The following TLE3 variants were observed in gnomAD, a reference collection of about 807,000 sequenced individuals.
TLE3 encodes the protein transducin-like enhancer protein 3.
Under a neutral mutation model 93.0 loss-of-function variants are expected in TLE3, and 14 were observed. The ratio of observed to expected loss-of-function variants is 0.15; its 90% confidence interval spans 0.10 to 0.24. The LOEUF (loss-of-function observed/expected upper bound fraction) is 0.24. TLE3 is among the 10% of genes least tolerant of loss of function. The pLI, the probability that TLE3 is intolerant of heterozygous loss-of-function variation, is 1.00. For synonymous variants in TLE3, 451 were observed against 425.0 expected, an observed-to-expected ratio of 1.06 and a Z score of -0.75; for missense variants, 693 against 1,046.6, an observed-to-expected ratio of 0.66 and a Z score of 4.66.
chr15:70,052,869 A>G, intron 17 of TLE3: 1 of 306,272 alleles, frequency 3.3e-6, no homozygotes, highest in Non-Finnish European at 6.0e-6. Context: ...GCTTTCTGTG[A>G]GTCGGGTTTA....
At chr15:70,090,853 G>A (rs1567055371) in intron 4 of TLE3, among the ~76,000 whole-genome samples, 1 of 152,246 alleles carries the variant, frequency 6.6e-6, no homozygotes, top group African/African-American at 2.4e-5. Context: ...TCAGTGATAT[G>A]ATTATACAAC....
rs1446077409 is a variant in TLE3 at position 70,059,452 on chromosome 15, A to G, written c.723T>C (p.Asp241=). 6.2e-7 allele frequency: 1 copy of G among 1,609,450 alleles called. No individual in the cohort carries two copies. Among genetic ancestry groups the G allele is most frequent in the East Asian group, 2.2e-5 (1 of 44,762 alleles). Reference sequence around the variant, plus strand: ...CCACCAGATCATCACTCTTGTCTCCATCACTGTCCTGCAACCAAGAGAGAA... The same window carrying G: ...CCACCAGATCATCACTCTTGTCTCCGTCACTGTCCTGCAACCAAGAGAGAA... ...EKDSLSRYDS[D]GDKSDDLVVD... The change falls in exon 10 of 20, where the codon GAT becomes GAC. Residue 241 remains aspartate, a synonymous_variant. Transcript: ENST00000451782.
chr15:70,052,579 G>C, intron 17 of TLE3, 55 bp from the exon 18 acceptor site: 1 of 1,564,912 alleles, frequency 6.4e-7, no homozygotes, highest in Non-Finnish European at 8.7e-7. Flanking sequence ...GCCCTCAAGA[G>C]GAGGGCGGCT....
intron 6 of TLE3, 56 bp from the exon 7 acceptor site, chr15:70,066,274 G>T: frequency 7.1e-7 from 1 of 1,409,550 alleles, no homozygotes; most frequent in Non-Finnish European, 9.4e-7. Context: ...GGGAGGCGTG[G>T]CCACCTCAGG....
intron 4 of TLE3, chr15:70,079,246 C>G: frequency 2.6e-6 from 1 of 384,386 alleles, no homozygotes; most frequent in South Asian, 1.9e-5. Context: ...GCAGAACCTT[C>G]CACAAGCCTG....
Position 70,057,647 on chromosome 15 carries a change from G to A in TLE3, c.1063C>T (p.Arg355Cys), listed in dbSNP as rs766703742. 9 of 1,574,172 alleles carry A rather than the reference G, an allele frequency of 5.7e-6. No homozygotes were observed. Among genetic ancestry groups the A allele is most frequent in the East Asian group, 2.3e-5 (1 of 43,444 alleles). Residue 355 changes from arginine to cysteine, a missense_variant, in exon 13 of 20, where the codon CGC becomes TGC. By Grantham distance (180) the Arg-to-Cys change is radical. Coordinates refer to ENST00000451782, the MANE Select transcript of TLE3 (RefSeq NM_001105192.3). Reference protein sequence around the residue: ...PGMDPIASALRTPISITSSYA... With the variant: ...PGMDPIASALCTPISITSSYA... The stretch of plus-strand genomic sequence containing the variant: ...GAGCTGGTGATGGAGATGGGCGTGC[G>A]CAGAGCCGAGGCTGCGAGGGGTGGG...
In TLE3 at chr15:70,096,816, A is replaced by G. The variant is rs775045300; in HGVS notation, c.-18T>C. The G allele has an allele frequency of 6.2e-7, 1 of 1,605,668 alleles. No individual in the cohort carries two copies. The highest frequency in any genetic ancestry group is 8.5e-7 in the Non-Finnish European group (1 of 1,175,664). ...GGATACATGGCAGGGAGGGGTCGTG[A>G]TTCCGAGAGCGTGGAAGCGCCGAGA... On this transcript the variant is annotated 5_prime_UTR_variant, in exon 1 of 20. Coordinates refer to ENST00000451782, the MANE Select transcript of TLE3 (RefSeq NM_001105192.3).
intron 4 of TLE3, among the ~76,000 whole-genome samples, chr15:70,090,608 C>CGGGGA (rs1199943834): frequency 6.6e-6 from 1 of 152,038 alleles, no homozygotes; most frequent in Non-Finnish European, 1.5e-5. Context: ...AGATCCAGAG[C>CGGGGA]GGGGAGGGGA....
At chr15:70,081,501 G>C (rs916510002) in intron 4 of TLE3, among the ~76,000 whole-genome samples, 1 of 152,238 alleles carries the variant, frequency 6.6e-6, no homozygotes, top group African/African-American at 2.4e-5. Flanking sequence ...CTCTAGGCAA[G>C]AACAATGATA....
intron 4 of TLE3, among the ~76,000 whole-genome samples, chr15:70,078,223 C>G (rs1438623956): frequency 6.6e-6 from 1 of 152,128 alleles, no homozygotes; most frequent in Non-Finnish European, 1.5e-5. Flanking sequence ...TCGCCTAAAT[C>G]AACTGATAGT....
chr15:70,076,166 G>C lies in TLE3; in HGVS notation c.235-8C>G. On this transcript the variant is annotated splice_region_variant and splice_polypyrimidine_tract_variant and intron_variant, in intron 4 of 19. Coordinates refer to ENST00000451782, the MANE Select transcript of TLE3 (RefSeq NM_001105192.3). ...TCTCTTCGCAATCTCTGTCTGCAAA[G>C]GCAAGGAGACCACATGAAGCTCAGG... 6.2e-7 allele frequency: 1 copy of C among 1,613,882 alleles called. No homozygotes were observed. Among genetic ancestry groups the C allele is most frequent in the South Asian group, 1.1e-5 (1 of 91,086 alleles).
chr15:70,051,064 C>T (rs984701750), intron 19 of TLE3: 2 of 191,274 alleles, frequency 1.0e-5, no homozygotes, highest in African/African-American at 2.4e-5. Flanking sequence ...GCGCACCTCC[C>T]GCAGGTGCTC....
chr15:70,087,404 G>A (rs928014625), intron 4 of TLE3, among the ~76,000 whole-genome samples: 8 of 152,314 alleles, frequency 5.3e-5, no homozygotes, highest in Non-Finnish European at 8.8e-5. Flanking sequence ...TGAAAATGTC[G>A]AATCTGCTTT....
At chr15:70,062,920 T>TC (rs3842342) in intron 8 of TLE3, among the ~76,000 whole-genome samples, 3,328 of 152,204 alleles carry the variant, frequency 0.022, 157 homozygotes, top group East Asian at 0.21. Flanking sequence ...ACAGCCCAGC[T>TC]CTTGGGGGTT....
chr15:70,053,604 T>C, intron 16 of TLE3: 1 of 372,966 alleles, frequency 2.7e-6, no homozygotes, highest in East Asian at 5.6e-5. Flanking sequence ...CCCTGGGAAA[T>C]GGGGGGGGGA....
At chr15:70,060,922 G>A in intron 8 of TLE3, 1 of 454,766 alleles carries the variant, frequency 2.2e-6, no homozygotes, top group Non-Finnish European at 4.2e-6. Flanking sequence ...CCTGCAGTAA[G>A]CCGTCTGCCT....
Position 70,048,819 on chromosome 15 carries a change from T to TC in TLE3, c.*1277dup, listed in dbSNP as rs2055278273. On this transcript the variant is annotated 3_prime_UTR_variant, in exon 20 of 20. Coordinates refer to ENST00000451782, the MANE Select transcript of TLE3 (RefSeq NM_001105192.3). Reference sequence around the variant, plus strand: ...GTGTGCCAGGATCTGTGTCCCCCTCTCCCACCCCCCAACCCCCACTGCTCT... The same window carrying TC: ...GTGTGCCAGGATCTGTGTCCCCCTCTCCCCACCCCCCAACCCCCACTGCTCT... 1 of 152,074 alleles carries TC rather than the reference T, an allele frequency of 6.6e-6. No homozygotes were observed. Among genetic ancestry groups the TC allele is most frequent in the Non-Finnish European group, 1.5e-5 (1 of 68,032 alleles). 9.4% of individuals were successfully genotyped at this position (152,074 alleles called of 1,614,324 possible).
chr15:70,093,750 GTTA>G (rs1313391444), intron 4 of TLE3, among the ~76,000 whole-genome samples: 4 of 152,214 alleles, frequency 2.6e-5, no homozygotes, highest in African/African-American at 9.6e-5. Flanking sequence ...GAGGTATACT[GTTA>G]TTAGAAGAGT....
At chr15:70,080,065 A>T (rs1595969843) in intron 4 of TLE3, among the ~76,000 whole-genome samples, 1 of 1,604 alleles carries the variant, frequency 6.2e-4, no homozygotes, top group South Asian at 0.5. Context: ...CAAAAAAGGA[A>T]AAAAAAAAAA....
Sources: allele counts gnomAD v4.1 joint callset (sites outside exome capture counted in the v4.1 genomes callset), GRCh38; gene constraint gnomAD v4.1.1; transcripts MANE v1.5; gene names NCBI Gene and HGNC (gene_info 2026-07-23, HGNC 2026-07-21).